Variants in PCDHGA1 observed in about 807,000 individuals in gnomAD.
PCDHGA1 encodes the protein protocadherin gamma-A1.
A neutral mutation model predicts 58.0 loss-of-function variants in PCDHGA1; 32 were observed. That is an observed-to-expected ratio of 0.55 (90% CI 0.42 to 0.74). The LOEUF (loss-of-function observed/expected upper bound fraction) is 0.74. PCDHGA1 is among the 30% of genes least tolerant of loss of function. PCDHGA1 has a pLI of 0.00. For missense variants in PCDHGA1, 1,205 were observed against 1,182.3 expected (o/e 1.02, Z -0.28); for synonymous variants, 498 against 501.1 (o/e 0.99, Z 0.08).
At chr5:141,436,950 C>A (rs894702404) in intron 1 of PCDHGA1, among the ~76,000 whole-genome samples, 3 of 152,138 alleles carry the variant, frequency 2.0e-5, no homozygotes, top group African/African-American at 7.2e-5. Flanking sequence ...ATAGTGAAAT[C>A]TAAACAAGGA....
At chr5:141,361,783 G>T (rs375966726) in intron 1 of PCDHGA1, 2 of 1,613,244 alleles carry the variant, frequency 1.2e-6, no homozygotes, top group Non-Finnish European at 1.7e-6. Flanking sequence ...GAGCCTGCGC[G>T]TGTTAGTGGG....
intron 1 of PCDHGA1, chr5:141,424,442 T>C (rs2096821583): frequency 6.6e-6 from 1 of 152,244 alleles, no homozygotes; most frequent in South Asian, 2.1e-4. Context: ...AATTGAATTA[T>C]TGAACTGGTA....
chr5:141,461,334 G>T (rs558562450), intron 1 of PCDHGA1, among the ~76,000 whole-genome samples: 75 of 152,166 alleles, frequency 4.9e-4, no homozygotes, highest in African/African-American at 1.7e-3. Flanking sequence ...GGCCATTCTT[G>T]CAGGACCAAG....
intron 1 of PCDHGA1, chr5:141,413,663 A>T: frequency 6.2e-7 from 1 of 1,613,844 alleles, no homozygotes; most frequent in Non-Finnish European, 8.5e-7. Flanking sequence ...GAAGCTATTG[A>T]TCCGGATGTG....
chr5:141,332,063 A>G lies in PCDHGA1; in HGVS notation c.1379A>G (p.Tyr460Cys), dbSNP rs147638996. The part of the protein sequence containing the change: ...PVFHQDSYSA[Y>C]IPENNPRGAS... Reference sequence around the variant, plus strand: ...TTCCATCAGGACTCCTACTCTGCCTACATTCCCGAAAACAACCCCAGAGGA... The same window carrying G: ...TTCCATCAGGACTCCTACTCTGCCTGCATTCCCGAAAACAACCCCAGAGGA... Residue 460 changes from tyrosine to cysteine, a missense_variant, in exon 1 of 4, where the codon TAC becomes TGC. Transcript: ENST00000517417. This position sits in a 1 kb window ranked among gnomAD's most constrained non-coding sequence, Gnocchi z 4.6. 9.4e-5 allele frequency: 151 copies of G among 1,614,100 alleles called. 1 individual carries two copies. The African/African-American group carries it at 1.8e-3, about 19-fold the overall frequency.
chr5:141,489,563 T>C lies in PCDHGA1; in HGVS notation c.2422-5244T>C, dbSNP rs2099689031. ...ACCAGCTGCCTGCTGCCAGTGCAGG[T>C]GGTGACTGAACACCCCCTGGAGCTA... On this transcript the variant is annotated intron_variant, in intron 1 of 3. Coordinates refer to ENST00000517417, the MANE Select transcript of PCDHGA1 (RefSeq NM_018912.3). The surrounding 1 kb of genome is among the most constrained non-coding windows in gnomAD (Gnocchi z 4.5). 13 of 1,614,006 alleles carry C rather than the reference T, an allele frequency of 8.1e-6. No homozygotes were observed. The highest frequency in any genetic ancestry group is 1.1e-5 in the Non-Finnish European group (13 of 1,179,976).
At chr5:141,510,169 A>G (rs927072830) in intron 3 of PCDHGA1, among the ~76,000 whole-genome samples, 7 of 151,230 alleles carry the variant, frequency 4.6e-5, no homozygotes, top group Non-Finnish European at 1.0e-4. Context: ...GCTACTCAGG[A>G]GGTTGAGGCA....
intron 1 of PCDHGA1, among the ~76,000 whole-genome samples, chr5:141,439,662 G>A (rs2098125902): frequency 6.6e-6 from 1 of 152,150 alleles, no homozygotes; most frequent in South Asian, 2.1e-4. Flanking sequence ...TAATTTCATG[G>A]AATGCAAATC....
At chr5:141,392,852 G>A in intron 1 of PCDHGA1, 3 of 1,611,984 alleles carry the variant, frequency 1.9e-6, no homozygotes, top group Non-Finnish European at 2.5e-6. Context: ...GCGGCGAGCT[G>A]ATCCTGCTGT....
Position 141,384,834 on chromosome 5 carries a change from C to T in PCDHGA1, c.2421+51729C>T, listed in dbSNP as rs369584315. 6.0e-5 allele frequency: 97 copies of T among 1,613,478 alleles called. No individual in the cohort carries two copies. The African/African-American group carries it at 1.2e-3, about 19-fold the overall frequency. On this transcript the variant is annotated intron_variant, in intron 1 of 3. Coordinates refer to ENST00000517417, the MANE Select transcript of PCDHGA1 (RefSeq NM_018912.3). The stretch of plus-strand genomic sequence containing the variant: ...CCCTCAAGCAGAGCCTCGTGGTGGC[C>T]GTCCAGGACCACGGTCAGCCTCCTC...
intron 3 of PCDHGA1, among the ~76,000 whole-genome samples, chr5:141,508,984 C>G (rs1039260828): frequency 4.7e-4 from 72 of 152,154 alleles, no homozygotes; most frequent in African/African-American, 1.7e-3. Context: ...GGGTGGGGGC[C>G]AGCTGGGGTA....
chr5:141,389,142 G>T (rs72790030), intron 1 of PCDHGA1: 5 of 1,613,968 alleles, frequency 3.1e-6, no homozygotes, highest in Non-Finnish European at 4.2e-6. Flanking sequence ...CAATATAACC[G>T]TTACGGCAAC....
intron 1 of PCDHGA1, chr5:141,345,161 T>C (rs374098708): frequency 6.2e-7 from 1 of 1,613,888 alleles, no homozygotes; most frequent in African/African-American, 1.3e-5. Flanking sequence ...ACCGAGATTC[T>C]GGGCAGAATG....
intron 1 of PCDHGA1, chr5:141,428,255 G>A (rs2097128504): frequency 1.1e-6 from 1 of 875,462 alleles, no homozygotes; most frequent in Non-Finnish European, 1.8e-6. Context: ...CCAGACTTCA[G>A]TGACAGTCCT....
At chr5:141,375,611 G>T in intron 1 of PCDHGA1, 1 of 1,614,178 alleles carries the variant, frequency 6.2e-7, no homozygotes, top group Non-Finnish European at 8.5e-7. Flanking sequence ...CATCAACTCC[G>T]ACACTGGGAT....
At chr5:141,387,700 G>A (rs1303500403) in intron 1 of PCDHGA1, 1 of 933,942 alleles carries the variant, frequency 1.1e-6, no homozygotes, top group Non-Finnish European at 1.6e-6. Context: ...CGCTTTCCAG[G>A]GCAGCCCCAG....
chr5:141,420,304 T>C, intron 1 of PCDHGA1: 1 of 1,462,822 alleles, frequency 6.8e-7, no homozygotes, highest in African/African-American at 1.4e-5. Context: ...TTTAATCCTT[T>C]TTATATTACA....
chr5:141,440,980 C>T (rs972732898), intron 1 of PCDHGA1: 1 of 152,242 alleles, frequency 6.6e-6, no homozygotes. Context: ...GCTTCACAAC[C>T]CAGAGTACCC....
At chr5:141,360,064 C>A (rs769109998) in intron 1 of PCDHGA1, 19 of 1,462,446 alleles carry the variant, frequency 1.3e-5, no homozygotes, top group Non-Finnish European at 1.7e-5. Flanking sequence ...GGAAAAGTGA[C>A]CTTAGCCCGG....
Sources: allele counts gnomAD v4.1 joint callset (sites outside exome capture counted in the v4.1 genomes callset), GRCh38; gene constraint gnomAD v4.1.1; non-coding constraint Gnocchi (gnomAD v3.1); transcripts MANE v1.5; gene names NCBI Gene and HGNC (gene_info 2026-07-23, HGNC 2026-07-21).